MAGI2: variants seen among roughly 807,000 people sequenced by gnomAD.
MAGI2 encodes membrane-associated guanylate kinase, WW and PDZ domain-containing protein 2.
A neutral mutation model predicts 133.3 loss-of-function variants in MAGI2; 35 were observed. The observed-to-expected ratio is 0.26, with a 90% CI of 0.20 to 0.35. The LOEUF (loss-of-function observed/expected upper bound fraction) is 0.35, where lower values mean the gene tolerates loss of function less well. Ranked by LOEUF, MAGI2 falls within the 10% of genes least tolerant of loss-of-function variation. The pLI is 1.00. For synonymous variants in MAGI2, 729 were observed against 710.6 expected (o/e 1.03, Z -0.41); for missense variants, 1,636 against 1,863.4 (o/e 0.88, Z 2.25).
chr7:79,045,484 T>C (rs117711721), intron 1 of MAGI2, among the ~76,000 whole-genome samples: 1,711 of 152,316 alleles, frequency 0.011, 74 homozygotes, highest in East Asian at 0.087. Context: ...TAACTAAGTG[T>C]ATGCTGTTAA....
At chr7:79,426,139 T>G (rs536123677) in intron 1 of MAGI2, among the ~76,000 whole-genome samples, 1 of 152,326 alleles carries the variant, frequency 6.6e-6, no homozygotes, top group South Asian at 2.1e-4. Context: ...GTAATACTCC[T>G]GTTAGTTATA....
At chr7:79,030,661 A>G (rs567790880) in intron 1 of MAGI2, among the ~76,000 whole-genome samples, 113 of 152,332 alleles carry the variant, frequency 7.4e-4, no homozygotes, top group African/African-American at 2.6e-3. Flanking sequence ...AGAATCTACT[A>G]TATTAATGGG....
Position 78,521,426 on chromosome 7 carries a change from T to G in MAGI2, c.754+4A>C. On this transcript the variant is annotated splice_donor_region_variant and intron_variant, in intron 4 of 21. Transcript: ENST00000354212. ...TGAAGCCATAAAAAATGTAAATGACTAACCTGGTGTTACTACTACTCCATT... is the reference window on the plus strand; with the variant it reads ...TGAAGCCATAAAAAATGTAAATGACGAACCTGGTGTTACTACTACTCCATT... 3 of 1,611,896 alleles carry G rather than the reference T, an allele frequency of 1.9e-6. No individual in the cohort carries two copies. The highest frequency in any genetic ancestry group is 2.5e-6 in the Non-Finnish European group (3 of 1,178,634).
chr7:78,403,106 T>C (rs949110757), intron 6 of MAGI2, among the ~76,000 whole-genome samples: 1 of 152,184 alleles, frequency 6.6e-6, no homozygotes, highest in Non-Finnish European at 1.5e-5. Context: ...ACCCATTAAC[T>C]CGTCATTTAC....
At chr7:78,921,520 A>G (rs1283902058) in intron 2 of MAGI2, among the ~76,000 whole-genome samples, 1 of 152,146 alleles carries the variant, frequency 6.6e-6, no homozygotes, top group Non-Finnish European at 1.5e-5. Context: ...GCTGCCTTAC[A>G]ATGCTTCAAT....
chr7:79,413,331 T>C (rs1013046966), intron 1 of MAGI2: 3 of 152,148 alleles, frequency 2.0e-5, no homozygotes, highest in African/African-American at 7.2e-5. Context: ...TTTTTCTATA[T>C]GCTCACTAGC....
At chr7:79,396,133 T>G (rs563233604) in intron 1 of MAGI2, among the ~76,000 whole-genome samples, 1 of 152,306 alleles carries the variant, frequency 6.6e-6, no homozygotes, top group South Asian at 2.1e-4. Flanking sequence ...AGATCTATTT[T>G]TTTTTTCTTT....
At chr7:78,900,277 T>G (rs1160706909) in intron 2 of MAGI2, among the ~76,000 whole-genome samples, 2 of 152,184 alleles carry the variant, frequency 1.3e-5, no homozygotes, top group Non-Finnish European at 2.9e-5. Flanking sequence ...TCAAGGATAT[T>G]TTTAAAACAC....
intron 2 of MAGI2, among the ~76,000 whole-genome samples, chr7:78,647,908 A>C (rs1811068873): frequency 6.6e-6 from 1 of 152,172 alleles, no homozygotes; most frequent in Admixed American, 6.5e-5. Flanking sequence ...AGAAAACCAA[A>C]CACCGCATGT....
intron 2 of MAGI2, among the ~76,000 whole-genome samples, chr7:78,799,027 GT>G (rs1787847533): frequency 6.6e-6 from 1 of 152,160 alleles, no homozygotes; most frequent in African/African-American, 2.4e-5. Flanking sequence ...ATATTGCTCA[GT>G]TTTGGGGCTA....
At chr7:78,297,302 T>C (rs1310003757) in intron 9 of MAGI2, among the ~76,000 whole-genome samples, 1 of 150,944 alleles carries the variant, frequency 6.6e-6, no homozygotes, top group Non-Finnish European at 1.5e-5. Flanking sequence ...CCAGTTAGAA[T>C]GGCAATCATT....
chr7:79,311,084 T>C (rs1453883034), intron 1 of MAGI2, among the ~76,000 whole-genome samples: 2 of 152,088 alleles, frequency 1.3e-5, no homozygotes, highest in African/African-American at 4.8e-5. Context: ...CTTCCATATT[T>C]TCCTGGCCTC....
intron 9 of MAGI2, among the ~76,000 whole-genome samples, chr7:78,284,047 G>T (rs1321355410): frequency 1.3e-5 from 2 of 151,904 alleles, no homozygotes; most frequent in African/African-American, 4.8e-5. Context: ...GGTGATAAAT[G>T]TGTAACATTT....
chr7:78,975,759 A>G (rs1202152319), intron 2 of MAGI2, among the ~76,000 whole-genome samples: 6 of 151,668 alleles, frequency 4.0e-5, no homozygotes, highest in Non-Finnish European at 5.9e-5. Context: ...AACAAAATGA[A>G]CAAGTCTTTT....
chr7:78,700,245 C>A (rs1360322175), intron 2 of MAGI2, among the ~76,000 whole-genome samples: 1 of 152,068 alleles, frequency 6.6e-6, no homozygotes, highest in Non-Finnish European at 1.5e-5. Flanking sequence ...TAGAGATTCT[C>A]CTCTTGATAG....
intron 1 of MAGI2, among the ~76,000 whole-genome samples, chr7:79,348,006 T>C (rs1226792476): frequency 6.6e-6 from 1 of 151,920 alleles, no homozygotes; most frequent in African/African-American, 2.4e-5. Flanking sequence ...AATCTGATTA[T>C]AAAGCAAACT....
intron 7 of MAGI2, among the ~76,000 whole-genome samples, chr7:78,365,892 C>T (rs534958102): frequency 7.9e-5 from 12 of 152,270 alleles, no homozygotes; most frequent in African/African-American, 2.6e-4. Context: ...TGCAACTGTG[C>T]TAGAGACATT....
intron 3 of MAGI2, chr7:78,618,911 T>C (rs1321988505): frequency 2.1e-5 from 3 of 144,142 alleles, no homozygotes; most frequent in Non-Finnish European, 4.5e-5. Flanking sequence ...GGTCAAAGGG[T>C]ACAAAGTTTC....
chr7:78,868,700 G>T (rs181273813), intron 2 of MAGI2, among the ~76,000 whole-genome samples: 2 of 152,060 alleles, frequency 1.3e-5, no homozygotes, highest in African/African-American at 4.8e-5. Context: ...CTAGAACAAA[G>T]TTCTGGTTGA....
Sources: allele counts gnomAD v4.1 joint callset (sites outside exome capture counted in the v4.1 genomes callset), GRCh38; gene constraint gnomAD v4.1.1; transcripts MANE v1.5; gene names NCBI Gene and HGNC (gene_info 2026-07-23, HGNC 2026-07-21).